LRRC31: variants seen among roughly 807,000 people sequenced by gnomAD.
The protein encoded by LRRC31 is leucine rich repeat containing 31, also known as leucine-rich repeat-containing protein 31.
In LRRC31, 35 loss-of-function variants were observed where a neutral mutation model predicts 46.7. The ratio of observed to expected loss-of-function variants is 0.75; its 90% CI spans 0.57 to 0.99. The LOEUF (loss-of-function observed/expected upper bound fraction) is 0.99, where lower values mean the gene tolerates loss of function less well. Among genes scored for constraint, LRRC31 ranks in the 50% least tolerant of loss-of-function variants. The probability of loss-of-function intolerance (pLI) is 0.00; values close to 1 mark genes in which losing one functional copy is unlikely to be tolerated. For synonymous variants in LRRC31, 236 were observed against 235.1 expected (o/e 1.00, Z -0.03); for missense variants, 613 against 626.1 (o/e 0.98, Z 0.22).
intron 5 of LRRC31, among the ~76,000 whole-genome samples, 173 bp downstream of exon 5, chr3:169,856,163 G>A (rs1043541903): frequency 3.9e-5 from 6 of 152,108 alleles, no homozygotes; most frequent in African/African-American, 7.2e-5. Context: ...GATTGCAGAT[G>A]TAAGCCACTG....
intron 1 of LRRC31, among the ~76,000 whole-genome samples, chr3:169,867,246 C>CTTTTT (rs757102934): frequency 1.3e-5 from 1 of 78,776 alleles, no homozygotes; most frequent in Non-Finnish European, 2.2e-5. Context: ...GAGATGGAGT[C>CTTTTT]TTTTTTTTTT....
chr3:169,851,178 C>A (rs931182956), intron 7 of LRRC31, among the ~76,000 whole-genome samples: 2 of 152,028 alleles, frequency 1.3e-5, no homozygotes, highest in Non-Finnish European at 1.5e-5. Flanking sequence ...GCATGATCCA[C>A]CAGGAGGGTG....
At chr3:169,861,366 CT>C (rs1781147098) in intron 2 of LRRC31, among the ~76,000 whole-genome samples, 2 of 145,820 alleles carry the variant, frequency 1.4e-5, no homozygotes, top group Non-Finnish European at 1.5e-5. Flanking sequence ...TGCGCCTGGC[CT>C]TTTTCTTAAA....
intron 2 of LRRC31, among the ~76,000 whole-genome samples, 157 bp downstream of exon 2, chr3:169,861,513 C>A (rs1360775152): frequency 2.0e-5 from 3 of 149,878 alleles, no homozygotes; most frequent in Non-Finnish European, 3.0e-5. Context: ...AGCGAGACTC[C>A]GTCTCAAAAA....
Position 169,861,387 on chromosome 3 carries a change from AAAAAG to A in LRRC31, c.319+278_319+282del, listed in dbSNP as rs1781150835. 3.3e-5 allele frequency among the ~76,000 whole-genome samples: 5 copies of A among 149,880 alleles called. No individual in the cohort carries two copies. The East Asian group carries it at 5.9e-4, about 18-fold the overall frequency. On this transcript the variant is annotated intron_variant, in intron 2 of 8. Coordinates refer to ENST00000316428, the MANE Select transcript of LRRC31 (RefSeq NM_024727.4). ...TGGCCTTTTTCTTAAAAAAAAAAGA[AAAAAG>A]AAAAAAGAAAAAACCTACTCGGGAG... is the stretch of plus-strand genomic sequence containing the variant.
At chr3:169,866,965 A>G (rs1422710549) in intron 1 of LRRC31, among the ~76,000 whole-genome samples, 2 of 151,578 alleles carry the variant, frequency 1.3e-5, no homozygotes, top group Non-Finnish European at 2.9e-5. Flanking sequence ...CTGTCTCAAA[A>G]AGAAAGAAAG....
At chr3:169,852,693 G>A (rs1231410553) in intron 6 of LRRC31, among the ~76,000 whole-genome samples, 1 of 152,136 alleles carries the variant, frequency 6.6e-6, no homozygotes, top group Non-Finnish European at 1.5e-5. Context: ...TCTGGCCTTT[G>A]CCCCAACTAT....
chr3:169,863,166 A>G (rs1781226433), intron 1 of LRRC31, among the ~76,000 whole-genome samples: 1 of 151,794 alleles, frequency 6.6e-6, no homozygotes, highest in Admixed American at 6.6e-5. Flanking sequence ...TACAGGCATG[A>G]GTCACCATGG....
intron 8 of LRRC31, 24 bp downstream of exon 8, chr3:169,848,096 G>A (rs201142957): frequency 2.2e-5 from 35 of 1,599,934 alleles, no homozygotes; most frequent in Middle Eastern, 1.8e-4. Flanking sequence ...TGCCAAGACC[G>A]CTTGGGAACA....
In LRRC31 at chr3:169,839,880, A is replaced by T; in HGVS notation, c.*102T>A. The T allele has an allele frequency of 1.4e-6, 1 of 710,054 alleles. No homozygotes were observed. The highest frequency in any genetic ancestry group is 2.3e-6 in the Non-Finnish European group (1 of 433,610). 44.0% of individuals were successfully genotyped at this position (710,054 alleles called of 1,614,324 possible). On this transcript the variant is annotated 3_prime_UTR_variant, in exon 9 of 9. Coordinates refer to ENST00000316428, the MANE Select transcript of LRRC31 (RefSeq NM_024727.4). ...AAGCTCTTGTAATATAAGTCCCATT[A>T]AATGGCCCAGAAGTTGAAATTCAGT... is the stretch of plus-strand genomic sequence containing the variant.
chr3:169,862,411 C>T (rs1033286825), intron 1 of LRRC31, among the ~76,000 whole-genome samples: 5 of 152,180 alleles, frequency 3.3e-5, no homozygotes, highest in African/African-American at 1.2e-4. Flanking sequence ...GTCTGTCCTC[C>T]TTGTTATTAG....
intron 7 of LRRC31, 88 bp downstream of exon 7, chr3:169,851,531 G>T (rs2108208382): frequency 1.5e-6 from 2 of 1,335,210 alleles, no homozygotes; most frequent in South Asian, 1.4e-5. Context: ...TCGCAAACTG[G>T]CTGAGCCTTG....
chr3:169,849,727 C>A (rs1780701294), intron 7 of LRRC31, among the ~76,000 whole-genome samples: 1 of 152,196 alleles, frequency 6.6e-6, no homozygotes. Context: ...CGGTTCTCTA[C>A]TGGGGGTTAG....
intron 4 of LRRC31, 94 bp from the exon 5 acceptor site, chr3:169,856,597 C>T: frequency 7.4e-7 from 1 of 1,356,972 alleles, no homozygotes; most frequent in East Asian, 2.6e-5. Context: ...CTCCACTCCC[C>T]TCCTACATAC....
chr3:169,857,163 G>A (rs1780976122), intron 3 of LRRC31, among the ~76,000 whole-genome samples: 2 of 151,456 alleles, frequency 1.3e-5, no homozygotes, highest in African/African-American at 4.9e-5. Flanking sequence ...GTGGTTTTAG[G>A]AAGCTGCTTT....
intron 6 of LRRC31, among the ~76,000 whole-genome samples, chr3:169,852,422 A>AC (rs1488543419): frequency 0.011 from 1,479 of 139,256 alleles, 90 homozygotes; most frequent in African/African-American, 0.04. Flanking sequence ...AAAAAAAAAA[A>AC]AAAAAAAAAC....
At chr3:169,858,847 T>C (rs1489852246) in intron 3 of LRRC31, among the ~76,000 whole-genome samples, 1 of 151,612 alleles carries the variant, frequency 6.6e-6, no homozygotes, top group Non-Finnish European at 1.5e-5. Flanking sequence ...CTACTAAAAA[T>C]ACAAAAAAAT....
chr3:169,840,384 T>C, intron 8 of LRRC31, 71 bp from the exon 9 acceptor site: 8 of 1,440,344 alleles, frequency 5.6e-6, no homozygotes, highest in Non-Finnish European at 6.8e-6. Flanking sequence ...CCATTTCCCA[T>C]AACACTATCT....
At chr3:169,861,964 A>T in intron 1 of LRRC31, 151 bp from the exon 2 acceptor site, 2 of 780,314 alleles carry the variant, frequency 2.6e-6, no homozygotes, top group Non-Finnish European at 4.0e-6. Context: ...TTTACTAGGG[A>T]CAAAGCTTAA....
Sources: gnomAD v4.1 joint callset for allele counts (sites outside exome capture counted in the v4.1 genomes callset) on GRCh38, gnomAD v4.1.1 for gene constraint, MANE v1.5 for transcripts, NCBI Gene and HGNC (gene_info 2026-07-23, HGNC 2026-07-21) for gene names.